Variants in MAST4 observed in about 807,000 individuals in gnomAD.
MAST4 encodes microtubule associated serine/threonine kinase family member 4.
In MAST4, 89 loss-of-function variants were observed where a neutral mutation model predicts 162.7. The ratio of observed to expected loss-of-function variants is 0.55; its 90% CI spans 0.46 to 0.65. The LOEUF (loss-of-function observed/expected upper bound fraction) is 0.65. MAST4 is among the 30% of genes least tolerant of loss of function. The pLI is 0.00. For synonymous variants in MAST4, 1,479 were observed against 1,361.1 expected (o/e 1.09, Z -1.91); for missense variants, 3,153 against 3,374.0 (o/e 0.93, Z 1.62).
intron 1 of MAST4, among the ~76,000 whole-genome samples, chr5:66,745,977 T>C: frequency 6.6e-6 from 1 of 152,284 alleles, no homozygotes; most frequent in East Asian, 1.9e-4. Context: ...GCACAGCACA[T>C]AGGCAGTAGG....
intron 3 of MAST4, among the ~76,000 whole-genome samples, chr5:66,810,703 C>T (rs779880177): frequency 4.6e-5 from 7 of 152,194 alleles, no homozygotes; most frequent in Non-Finnish European, 7.3e-5. Flanking sequence ...AGCATTGGGC[C>T]TACTGACAAC....
At chr5:66,713,276 C>T (rs1750611743) in intron 1 of MAST4, among the ~76,000 whole-genome samples, 2 of 152,192 alleles carry the variant, frequency 1.3e-5, no homozygotes, top group African/African-American at 2.4e-5. Context: ...CTTCCTCAAA[C>T]AGCCCTGTAC....
intron 1 of MAST4, among the ~76,000 whole-genome samples, chr5:66,624,146 G>GTTTTTTT (rs200030700): frequency 0.036 from 3,280 of 89,930 alleles, 451 homozygotes; most frequent in Non-Finnish European, 0.05. Flanking sequence ...TTGTTAAAAT[G>GTTTTTTT]TTTTTTTTTT....
intron 1 of MAST4, among the ~76,000 whole-genome samples, chr5:66,711,790 A>T (rs1230218235): frequency 6.6e-6 from 1 of 152,140 alleles, no homozygotes; most frequent in Non-Finnish European, 1.5e-5. Flanking sequence ...TGCCGAGATC[A>T]TGCCATTGCA....
At position 66,599,674 on chromosome 5, in the gene MAST4, C is replaced by G. The variant is rs560075123; in HGVS notation, c.363+2656C>G. Among the ~76,000 whole-genome samples the G allele has an allele frequency of 1.1e-4, 17 of 152,276 alleles. No homozygotes were observed. In the South Asian group the frequency reaches 2.5e-3, roughly 22 times the overall value. ...ATTTTATTGCTGCATAACTTATATG[C>G]TACCTACTGTCAGAGAATCGGAGGC... On this transcript the variant is annotated intron_variant, in intron 1 of 28. Coordinates refer to ENST00000403625, the MANE Select transcript of MAST4 (RefSeq NM_001164664.2).
intron 4 of MAST4, among the ~76,000 whole-genome samples, chr5:66,986,916 G>A (rs1025358547): frequency 8.6e-5 from 13 of 152,000 alleles, no homozygotes; most frequent in Non-Finnish European, 1.6e-4. Context: ...CCAGCTAAAC[G>A]TGTCTATATT....
In MAST4 at chr5:67,100,550, G is replaced by A. The variant is rs749203295; in HGVS notation, c.1028G>A (p.Arg343Lys). The change falls in exon 8 of 29, where the codon AGA (arginine) becomes AAA (lysine). Residue 343 changes from arginine (R) to lysine (K), a missense_variant. Arg to Lys is a conservative substitution (Grantham distance 26, BLOSUM62 2). This residue lies in a region of MAST4 where 360 missense variants were observed against 450.0 expected (regional missense o/e 0.80). Coordinates refer to ENST00000403625, the MANE Select transcript of MAST4 (RefSeq NM_001164664.2). ...ACCGAAAGCATCGCCACTGAGAACA[G>A]ATGCAGGAACACGCCGATGCGCCCC... is the stretch of plus-strand genomic sequence containing the variant. ...CTTESIATEN[R>K]CRNTPMRPRS... is the part of the protein sequence containing the mutation. 2 of 1,613,950 alleles carry A rather than the reference G, an allele frequency of 1.2e-6. No individual in the cohort carries two copies. Among genetic ancestry groups the A allele is most frequent in the Admixed American group, 3.3e-5 (2 of 60,024 alleles).
At chr5:66,986,860 C>T (rs1301586409) in intron 4 of MAST4, among the ~76,000 whole-genome samples, 1 of 152,034 alleles carries the variant, frequency 6.6e-6, no homozygotes, top group East Asian at 1.9e-4. Flanking sequence ...AATGCTCCCA[C>T]CTCAGCCACC....
At chr5:66,819,709 T>C (rs1756899245) in intron 3 of MAST4, among the ~76,000 whole-genome samples, 1 of 152,072 alleles carries the variant, frequency 6.6e-6, no homozygotes, top group African/African-American at 2.4e-5. Flanking sequence ...TTTTGTTTTT[T>C]TGGGGGGGAA....
intron 1 of MAST4, among the ~76,000 whole-genome samples, chr5:66,690,596 G>T (rs1044458350): frequency 2.6e-5 from 4 of 152,106 alleles, no homozygotes; most frequent in Non-Finnish European, 5.9e-5. Context: ...CTTGATTACG[G>T]TCACTTCATC....
intron 23 of MAST4, among the ~76,000 whole-genome samples, chr5:67,146,646 A>T (rs927504718): frequency 1.3e-5 from 2 of 152,110 alleles, no homozygotes; most frequent in African/African-American, 2.4e-5. Flanking sequence ...ATTTATTTCA[A>T]CCTCACTAAG....
chr5:66,912,137 A>G (rs930455778), intron 4 of MAST4, among the ~76,000 whole-genome samples: 12 of 152,202 alleles, frequency 7.9e-5, no homozygotes, highest in African/African-American at 2.9e-4. Flanking sequence ...TGTGCCTTCC[A>G]TATGTGGCTG....
intron 4 of MAST4, chr5:66,959,345 T>C: frequency 2.6e-6 from 2 of 778,946 alleles, no homozygotes; most frequent in South Asian, 2.7e-5. Flanking sequence ...TGGCACTCGC[T>C]TTCTGGCGAC....
chr5:66,920,433 C>T lies in MAST4; in HGVS notation c.674+20451C>T, dbSNP rs1332227166. On this transcript the variant is annotated intron_variant, in intron 4 of 28. Coordinates refer to ENST00000403625, the MANE Select transcript of MAST4 (RefSeq NM_001164664.2). ...ATACAAGTAGAATCAGATTTAAAAA[C>T]CGTAAAAATCAATAAATAACAGGTA... Among the ~76,000 whole-genome samples the T allele has an allele frequency of 2.6e-5, 4 of 152,176 alleles. No individual in the cohort carries two copies. The East Asian group carries it at 7.7e-4, about 29-fold the overall frequency.
chr5:67,099,688 T>C (rs1039067468), intron 7 of MAST4, among the ~76,000 whole-genome samples: 18 of 152,162 alleles, frequency 1.2e-4, no homozygotes, highest in Non-Finnish European at 2.2e-4. Context: ...ATGTTTCAGA[T>C]TGATTAAAAG....
chr5:66,788,600 C>A, intron 2 of MAST4, 70 bp from the exon 3 acceptor site: 1 of 1,168,282 alleles, frequency 8.6e-7, no homozygotes, highest in South Asian at 1.2e-5. Flanking sequence ...CACCCCACCC[C>A]CACCCCCATT....
At chr5:67,077,474 A>G (rs1024374164) in intron 5 of MAST4, among the ~76,000 whole-genome samples, 2 of 152,224 alleles carry the variant, frequency 1.3e-5, no homozygotes, top group Non-Finnish European at 2.9e-5. Flanking sequence ...GGCCCCACTC[A>G]GGTGACGAAT....
chr5:66,730,556 G>A (rs1190953817), intron 1 of MAST4, among the ~76,000 whole-genome samples: 1 of 152,164 alleles, frequency 6.6e-6, no homozygotes, highest in Non-Finnish European at 1.5e-5. Context: ...AAGCATATTT[G>A]CTGATGACGG....
chr5:66,698,764 C>A (rs145210590), intron 1 of MAST4, among the ~76,000 whole-genome samples: 1 of 152,234 alleles, frequency 6.6e-6, no homozygotes, highest in Non-Finnish European at 1.5e-5. Context: ...CACCACATAC[C>A]CTTAGACCCC....
Sources: allele counts gnomAD v4.1 joint callset (sites outside exome capture counted in the v4.1 genomes callset), GRCh38; gene constraint gnomAD v4.1.1; regional missense constraint gnomAD v4.1.1; transcripts MANE v1.5; gene names NCBI Gene and HGNC (gene_info 2026-07-23, HGNC 2026-07-21).